The following GUCY1A2 variants were observed in gnomAD, a reference collection of about 807,000 sequenced individuals.
GUCY1A2 encodes the protein guanylate cyclase soluble subunit alpha-2.
A neutral mutation model predicts 63.5 loss-of-function variants in GUCY1A2; 27 were observed. The ratio of observed to expected loss-of-function variants is 0.43; its 90% CI spans 0.31 to 0.59. GUCY1A2 has a LOEUF of 0.59. GUCY1A2 is among the 20% of genes least tolerant of loss of function. The probability of loss-of-function intolerance (pLI) is 0.11; values close to 1 mark genes in which losing one functional copy is unlikely to be tolerated. For synonymous variants in GUCY1A2, 364 were observed against 343.5 expected (o/e 1.06, Z -0.66); for missense variants, 768 against 913.3 (o/e 0.84, Z 2.05).
At chr11:106,964,164 T>A (rs1431016584) in intron 3 of GUCY1A2, among the ~76,000 whole-genome samples, 1 of 152,128 alleles carries the variant, frequency 6.6e-6, no homozygotes, top group Non-Finnish European at 1.5e-5. Context: ...CAATACTATC[T>A]TCTAACCCAC....
chr11:106,950,102 C>T (rs868335955), intron 3 of GUCY1A2, among the ~76,000 whole-genome samples: 1 of 152,188 alleles, frequency 6.6e-6, no homozygotes. Flanking sequence ...GGTGTGAATG[C>T]TTATTGTTTG....
intron 1 of GUCY1A2, among the ~76,000 whole-genome samples, chr11:107,001,162 T>C (rs1458052501): frequency 6.6e-6 from 1 of 152,220 alleles, no homozygotes; most frequent in Non-Finnish European, 1.5e-5. Context: ...GAAATTTCAT[T>C]CCTGAAATGT....
chr11:106,836,806 T>A (rs906640358), intron 4 of GUCY1A2, among the ~76,000 whole-genome samples: 8 of 151,990 alleles, frequency 5.3e-5, no homozygotes, highest in Non-Finnish European at 1.2e-4. Flanking sequence ...GTATGTACTA[T>A]AATCTTATGC....
Position 106,684,546 on chromosome 11 carries a change from G to A in GUCY1A2, c.*3003C>T, listed in dbSNP as rs1324846393. 3 of 197,144 alleles carry A rather than the reference G, an allele frequency of 1.5e-5. No individual in the cohort carries two copies. The highest frequency in any genetic ancestry group is 6.9e-5 in the African/African-American group (3 of 43,350). The allele number at this position is 197,144 out of a possible 1,614,324, so 12.2% of individuals were successfully genotyped here. On this transcript the variant is annotated 3_prime_UTR_variant, in exon 8 of 8. Transcript: ENST00000526355. ...GGGATTCTGATTTTGTTAGATAACT[G>A]ATTTATTTGCAAATGATGACATTCT... is the stretch of plus-strand genomic sequence containing the variant.
At chr11:106,951,237 A>T (rs1860904056) in intron 3 of GUCY1A2, among the ~76,000 whole-genome samples, 2 of 152,046 alleles carry the variant, frequency 1.3e-5, no homozygotes, top group Admixed American at 1.3e-4. Context: ...AATCATTTAT[A>T]CTCCTTTGGG....
chr11:106,846,830 A>C (rs964347366), intron 4 of GUCY1A2, among the ~76,000 whole-genome samples: 11 of 151,726 alleles, frequency 7.2e-5, no homozygotes, highest in Non-Finnish European at 1.6e-4. Flanking sequence ...TCTGTGAAAT[A>C]GAGAATTCAA....
At position 106,876,393 on chromosome 11, in the gene GUCY1A2, T is replaced by A. The variant is rs1859749241; in HGVS notation, c.1206+63067A>T. On this transcript the variant is annotated intron_variant, in intron 4 of 7. Transcript: ENST00000526355. ...ATAAAATAAGTGAATTGTAAAAAAA[T>A]TAATAATTGCTACTTTAATTCAAAA... 2.0e-5 allele frequency among the ~76,000 whole-genome samples: 3 copies of A among 151,054 alleles called. No homozygotes were observed. The Admixed American group carries it at 2.0e-4, about 10-fold the overall frequency.
At chr11:106,859,763 G>A (rs2135456331) in intron 4 of GUCY1A2, among the ~76,000 whole-genome samples, 1 of 151,972 alleles carries the variant, frequency 6.6e-6, no homozygotes, top group South Asian at 2.1e-4. Flanking sequence ...GATATGTTTA[G>A]ATACACAAAT....
rs755791696 is a variant in GUCY1A2, at chr11:106,854,266, C to A, written c.1207-43788G>T. Among the ~76,000 whole-genome samples the A allele has an allele frequency of 1.1e-4, 17 of 152,140 alleles. No individual in the cohort carries two copies. In the South Asian group the frequency reaches 1.2e-3, roughly 11 times the overall value. Reference sequence around the variant, plus strand: ...CTTGGGCCCGTGGGAGTGAAGACACCAGAAGTAGTGTTTGTAGGCTGGGCA... The same window carrying A: ...CTTGGGCCCGTGGGAGTGAAGACACAAGAAGTAGTGTTTGTAGGCTGGGCA... On this transcript the variant is annotated intron_variant, in intron 4 of 7. Coordinates refer to ENST00000526355, the MANE Select transcript of GUCY1A2 (RefSeq NM_000855.3).
intron 4 of GUCY1A2, among the ~76,000 whole-genome samples, chr11:106,896,549 A>C (rs928938949): frequency 6.6e-6 from 1 of 152,226 alleles, no homozygotes; most frequent in Non-Finnish European, 1.5e-5. Context: ...CCAATGCAAC[A>C]GTATTAAGAA....
intron 2 of GUCY1A2, among the ~76,000 whole-genome samples, chr11:106,983,255 A>T (rs1861360967): frequency 6.6e-6 from 1 of 152,214 alleles, no homozygotes; most frequent in Non-Finnish European, 1.5e-5. Context: ...GCATGAATAA[A>T]TTATTTTAGC....
intron 2 of GUCY1A2, among the ~76,000 whole-genome samples, chr11:106,985,371 A>G (rs2120137793): frequency 6.6e-6 from 1 of 152,362 alleles, no homozygotes; most frequent in South Asian, 2.1e-4. Context: ...TTTCTGCCAC[A>G]GCCAATTAGA....
chr11:106,753,959 T>TC (rs1240104133), intron 6 of GUCY1A2, among the ~76,000 whole-genome samples: 1 of 152,240 alleles, frequency 6.6e-6, no homozygotes, highest in African/African-American at 2.4e-5. Flanking sequence ...ATGGACATTT[T>TC]CACGATATTG....
intron 4 of GUCY1A2, among the ~76,000 whole-genome samples, chr11:106,887,260 C>A (rs1056288870): frequency 3.3e-5 from 5 of 152,114 alleles, no homozygotes; most frequent in Non-Finnish European, 7.4e-5. Flanking sequence ...CCCAATCCTG[C>A]AGCACATAAA....
intron 4 of GUCY1A2, among the ~76,000 whole-genome samples, chr11:106,871,987 T>C (rs1335107150): frequency 2.0e-5 from 3 of 152,170 alleles, no homozygotes; most frequent in Non-Finnish European, 4.4e-5. Flanking sequence ...CTGCTGTAGA[T>C]GTTGTCATGT....
rs116170932 is a variant in GUCY1A2, at chr11:106,941,318, G to A, written c.488-1140C>T. On this transcript the variant is annotated intron_variant, in intron 3 of 7. Coordinates refer to ENST00000526355, the MANE Select transcript of GUCY1A2 (RefSeq NM_000855.3). ...TGCACAATGTATTCTATCGTAATAA[G>A]AAGCAGGATCACATGTGATCACAAG... Among the ~76,000 whole-genome samples, 1,169 of 152,244 alleles carry A rather than the reference G, an allele frequency of 7.7e-3. 13 individuals are homozygous for A. The highest frequency in any genetic ancestry group is 0.027 in the African/African-American group (1,102 of 41,538).
chr11:106,870,548 T>A (rs1859662878), intron 4 of GUCY1A2, among the ~76,000 whole-genome samples: 1 of 152,102 alleles, frequency 6.6e-6, no homozygotes, highest in Admixed American at 6.6e-5. Context: ...GTTGTTGTTG[T>A]TACTTGTTTG....
intron 4 of GUCY1A2, among the ~76,000 whole-genome samples, chr11:106,857,397 T>TAC (rs1476867976): frequency 1.9e-4 from 29 of 152,134 alleles, no homozygotes; most frequent in African/African-American, 7.0e-4. Flanking sequence ...CACCTCCAAG[T>TAC]ACCAACACAT....
At chr11:106,735,082 ACAT>A (rs569359808) in intron 6 of GUCY1A2, among the ~76,000 whole-genome samples, 63 of 152,228 alleles carry the variant, frequency 4.1e-4, no homozygotes, top group African/African-American at 1.5e-3. Context: ...TGTAATAATC[ACAT>A]CAGGGTAAAT....
Sources: gnomAD v4.1 joint callset for allele counts (sites outside exome capture counted in the v4.1 genomes callset) on GRCh38, gnomAD v4.1.1 for gene constraint, MANE v1.5 for transcripts, NCBI Gene and HGNC (gene_info 2026-07-23, HGNC 2026-07-21) for gene names.